The following DYSF variants were observed in gnomAD, a reference collection of about 807,000 sequenced individuals.
The protein encoded by DYSF is dysferlin.
DYSF carries 212 observed loss-of-function variants against 274.9 expected under a neutral mutation model. The observed-to-expected ratio is 0.77, with a 90% confidence interval of 0.69 to 0.86. The LOEUF (loss-of-function observed/expected upper bound fraction) is 0.86, where lower values mean the gene tolerates loss of function less well. Ranked by LOEUF, DYSF falls within the 40% of genes least tolerant of loss-of-function variation. The pLI is 0.00. For missense variants in DYSF, 2,666 were observed against 2,783.2 expected, an observed-to-expected ratio of 0.96 and a Z score of 0.95; for synonymous variants, 1,091 against 1,078.7, an observed-to-expected ratio of 1.01 and a Z score of -0.22.
chr2:71,528,639 T>C (rs371462398), intron 14 of DYSF, among the ~76,000 whole-genome samples: 184 of 152,242 alleles, frequency 1.2e-3, no homozygotes, highest in African/African-American at 3.8e-3. Flanking sequence ...TAGATGTGGA[T>C]GGCCCAGGAG....
chr2:71,631,089 T>C (rs2094305847), intron 41 of DYSF, among the ~76,000 whole-genome samples: 1 of 152,144 alleles, frequency 6.6e-6, no homozygotes, highest in South Asian at 2.1e-4. Context: ...AGCTCATGAG[T>C]ACTGACAACA....
rs1265971325 is a variant in DYSF, at chr2:71,519,346, CA to C, written c.1003-826del. 7.2e-5 allele frequency among the ~76,000 whole-genome samples: 11 copies of C among 151,962 alleles called. No homozygotes were observed. The East Asian group carries it at 9.7e-4, about 13-fold the overall frequency. ...TGTTCTGAGAACCCAAGGGTTAAGT[CA>C]AAAAATTATTTTACTTGTATCTAAT... On this transcript the variant is annotated intron_variant, in intron 10 of 55. Coordinates refer to ENST00000410020, the MANE Select transcript of DYSF (RefSeq NM_001130987.2).
intron 29 of DYSF, among the ~76,000 whole-genome samples, chr2:71,571,959 C>T (rs1158383123): frequency 6.9e-6 from 1 of 145,098 alleles, no homozygotes; most frequent in Non-Finnish European, 1.5e-5. Context: ...CCAGCACACC[C>T]ACAGATCACA....
intron 7 of DYSF, 83 bp from the exon 8 acceptor site, chr2:71,515,540 A>G: frequency 6.3e-7 from 1 of 1,595,924 alleles, no homozygotes; most frequent in Non-Finnish European, 8.6e-7. Flanking sequence ...ATGGTCCCTG[A>G]GATTTCTGAC....
intron 39 of DYSF, among the ~76,000 whole-genome samples, 167 bp downstream of exon 39, chr2:71,612,973 C>G (rs944615794): frequency 6.6e-6 from 1 of 152,124 alleles, no homozygotes; most frequent in African/African-American, 2.4e-5. Context: ...TAGGGCAGAG[C>G]CTAGCTCTGG....
At chr2:71,571,183 G>GCA (rs548977074) in intron 29 of DYSF, among the ~76,000 whole-genome samples, 7 of 123,818 alleles carry the variant, frequency 5.7e-5, no homozygotes, top group South Asian at 2.7e-4. Flanking sequence ...ATCACACCCA[G>GCA]CACACACACA....
At chr2:71,682,274 A>G (rs776918066) in intron 54 of DYSF, among the ~76,000 whole-genome samples, 2 of 152,054 alleles carry the variant, frequency 1.3e-5, no homozygotes, top group Non-Finnish European at 2.9e-5. Context: ...ATGGCAGAGA[A>G]ACTGGGCCAC....
chr2:71,593,385 C>A (rs920129550), intron 32 of DYSF, among the ~76,000 whole-genome samples: 3 of 152,192 alleles, frequency 2.0e-5, no homozygotes, highest in Non-Finnish European at 2.9e-5. Context: ...CCCGCCTTGG[C>A]CTCCCGGAGT....
chr2:71,680,492 T>G (rs2095282450), intron 53 of DYSF, among the ~76,000 whole-genome samples: 2 of 152,190 alleles, frequency 1.3e-5, no homozygotes, highest in African/African-American at 4.8e-5. Flanking sequence ...CCAATAAATT[T>G]TAAAAGTCTA....
intron 52 of DYSF, among the ~76,000 whole-genome samples, chr2:71,677,899 T>C (rs2095246572): frequency 6.6e-6 from 1 of 152,242 alleles, no homozygotes; most frequent in South Asian, 2.1e-4. Context: ...TAACGTTCAC[T>C]GCAACATTAT....
chr2:71,553,956 G>A, intron 21 of DYSF, 25 bp downstream of exon 21: 1 of 1,614,038 alleles, frequency 6.2e-7, no homozygotes, highest in Non-Finnish European at 8.5e-7. Context: ...GCCCAAAGCT[G>A]CACATGCCTA....
At chr2:71,602,953 C>G in intron 36 of DYSF, 148 bp downstream of exon 36, 1 of 979,678 alleles carries the variant, frequency 1.0e-6, no homozygotes, top group Non-Finnish European at 1.5e-6. Flanking sequence ...ATTCCCCATG[C>G]TGTGTGTGGA....
intron 17 of DYSF, among the ~76,000 whole-genome samples, chr2:71,547,976 G>T (rs1011217969): frequency 6.6e-6 from 1 of 152,206 alleles, no homozygotes; most frequent in Non-Finnish European, 1.5e-5. Flanking sequence ...GTTTGCTTCC[G>T]GTGGTCCCTG....
At chr2:71,504,059 G>A (rs950292428) in intron 4 of DYSF, among the ~76,000 whole-genome samples, 18 of 152,180 alleles carry the variant, frequency 1.2e-4, no homozygotes, top group Non-Finnish European at 2.1e-4. Context: ...GTACTGCCCC[G>A]TGGCGGGTGT....
chr2:71,548,485 T>G (rs898956419), intron 17 of DYSF, among the ~76,000 whole-genome samples: 13 of 152,014 alleles, frequency 8.6e-5, no homozygotes, highest in Non-Finnish European at 1.3e-4. Context: ...AGAAGGAGAA[T>G]GGGAAGATCA....
At chr2:71,563,968 C>T (rs2091936547) in intron 23 of DYSF, 90 bp from the exon 24 acceptor site, 1 of 1,574,908 alleles carries the variant, frequency 6.3e-7, no homozygotes, top group East Asian at 2.2e-5. Context: ...GCCTCTGTGG[C>T]CTCTGAGTCA....
At chr2:71,610,836 G>A (rs930718847) in intron 36 of DYSF, 22 of 305,428 alleles carry the variant, frequency 7.2e-5, no homozygotes, top group Non-Finnish European at 1.2e-4. Context: ...TGGCGGGCAG[G>A]CACATGGTCC....
intron 33 of DYSF, among the ~76,000 whole-genome samples, chr2:71,599,093 T>TA (rs2093479927): frequency 6.6e-6 from 1 of 152,168 alleles, no homozygotes; most frequent in South Asian, 2.1e-4. Flanking sequence ...ATCAAACACT[T>TA]ACGTTACTGG....
chr2:71,683,710 A>G (rs183551783), intron 55 of DYSF, among the ~76,000 whole-genome samples: 15 of 152,332 alleles, frequency 9.8e-5, no homozygotes, highest in African/African-American at 2.9e-4. Flanking sequence ...TTCAGGCCTC[A>G]GTCCTGGTCA....
Sources: gnomAD v4.1 joint callset for allele counts (sites outside exome capture counted in the v4.1 genomes callset) on GRCh38, gnomAD v4.1.1 for gene constraint, MANE v1.5 for transcripts, NCBI Gene and HGNC (gene_info 2026-07-23, HGNC 2026-07-21) for gene names.